Variants in NFYC observed in about 807,000 individuals in gnomAD.
The protein encoded by NFYC is CAAT box DNA-binding protein subunit C.
A neutral mutation model predicts 53.1 loss-of-function variants in NFYC; 25 were observed. That is an observed-to-expected ratio of 0.47 (90% CI 0.34 to 0.66). The LOEUF (loss-of-function observed/expected upper bound fraction) is 0.66. Ranked by LOEUF, NFYC falls within the 30% of genes least tolerant of loss-of-function variation. The probability of loss-of-function intolerance (pLI) is 0.01; values close to 1 mark genes in which losing one functional copy is unlikely to be tolerated. For missense variants in NFYC, 260 were observed against 422.7 expected (o/e 0.62, Z 3.38); for synonymous variants, 145 against 152.6 (o/e 0.95, Z 0.37).
intron 1 of NFYC, among the ~76,000 whole-genome samples, chr1:40,704,306 C>T (rs545960747): frequency 1.3e-5 from 2 of 152,220 alleles, no homozygotes; most frequent in East Asian, 1.9e-4. Flanking sequence ...CTCCTGAATT[C>T]GTGATCTGCC....
intron 1 of NFYC, among the ~76,000 whole-genome samples, chr1:40,718,131 C>CAGAT (rs1396717847): frequency 6.6e-6 from 1 of 152,086 alleles, no homozygotes; most frequent in Non-Finnish European, 1.5e-5. Flanking sequence ...ATTCATTGGC[C>CAGAT]AGATGCCCAT....
intron 1 of NFYC, among the ~76,000 whole-genome samples, chr1:40,731,193 T>C (rs1244583515): frequency 6.6e-6 from 1 of 152,144 alleles, no homozygotes; most frequent in African/African-American, 2.4e-5. Flanking sequence ...ACTTTTTTTT[T>C]TGGGACGGAG....
intron 1 of NFYC, chr1:40,730,583 A>G (rs1644725092): frequency 2.8e-5 from 28 of 985,392 alleles, no homozygotes; most frequent in Non-Finnish European, 3.4e-5. Flanking sequence ...ATCAAAATGC[A>G]AGTCACAAAA....
chr1:40,739,709 A>C (rs937829621), intron 2 of NFYC, among the ~76,000 whole-genome samples: 1 of 152,242 alleles, frequency 6.6e-6, no homozygotes, highest in East Asian at 1.9e-4. Flanking sequence ...GGTATTTACT[A>C]AGTACTTACT....
At chr1:40,764,113 G>A (rs939536174) in intron 7 of NFYC, among the ~76,000 whole-genome samples, 3 of 152,108 alleles carry the variant, frequency 2.0e-5, no homozygotes, top group African/African-American at 7.2e-5. Context: ...ATGTGTCCTT[G>A]TCTTAACACT....
rs1296321001 is a variant in NFYC, at chr1:40,770,908, C to T, written c.*80C>T. ...CAGGCAATGGGCACAGCCTTCCTCC[C>T]CAGAGGACCCGGCCGACCTCAGCGC... On this transcript the variant is annotated 3_prime_UTR_variant, in exon 10 of 10. Coordinates refer to ENST00000447388, the MANE Select transcript of NFYC (RefSeq NM_014223.5). This position sits in a 1 kb window ranked among gnomAD's most constrained non-coding sequence, Gnocchi z 5.3. 38 of 1,500,100 alleles carry T rather than the reference C, an allele frequency of 2.5e-5. 1 individual carries two copies. Among genetic ancestry groups the T allele is most frequent in the South Asian group, 7.2e-5 (6 of 83,572 alleles). 92.9% of individuals were successfully genotyped at this position (1,500,100 alleles called of 1,614,324 possible). A position where few individuals can be genotyped will look rare whatever the true frequency, so the allele number is the denominator to read the frequency against.
At chr1:40,726,265 G>A (rs1287398502) in intron 1 of NFYC, among the ~76,000 whole-genome samples, 1 of 151,944 alleles carries the variant, frequency 6.6e-6, no homozygotes, top group East Asian at 1.9e-4. Flanking sequence ...TTGCAGGCCC[G>A]CACCACCATG....
chr1:40,770,996 G>C lies in NFYC; in HGVS notation c.*168G>C, dbSNP rs1304284004. The C allele has an allele frequency of 1.5e-6, 1 of 651,400 alleles. No individual in the cohort carries two copies. The highest frequency in any genetic ancestry group is 2.6e-6 in the Non-Finnish European group (1 of 382,240). 40.4% of individuals were successfully genotyped at this position (651,400 alleles called of 1,614,324 possible). ...GCCTGGGGGCCGAGATTCTCCAGCAGAAAGATGCAATATTTTTTGTTTCCT... is the reference window on the plus strand; with the variant it reads ...GCCTGGGGGCCGAGATTCTCCAGCACAAAGATGCAATATTTTTTGTTTCCT... On this transcript the variant is annotated 3_prime_UTR_variant, in exon 10 of 10. Coordinates refer to ENST00000447388, the MANE Select transcript of NFYC (RefSeq NM_014223.5). This position sits in a 1 kb window ranked among gnomAD's most constrained non-coding sequence, Gnocchi z 5.3.
At chr1:40,735,502 T>TG (rs1362013963) in intron 1 of NFYC, 5 of 763,224 alleles carry the variant, frequency 6.6e-6, no homozygotes, top group Middle Eastern at 6.5e-4. Flanking sequence ...ACTGCACAGA[T>TG]GGTTCTAGAC....
intron 2 of NFYC, among the ~76,000 whole-genome samples, chr1:40,742,634 G>A (rs936084238): frequency 1.3e-5 from 2 of 152,164 alleles, no homozygotes; most frequent in Non-Finnish European, 1.5e-5. Context: ...CTAGACCTCT[G>A]CCATGCTATG....
chr1:40,734,344 A>C (rs1161531510), intron 1 of NFYC, among the ~76,000 whole-genome samples: 1 of 33,442 alleles, frequency 3.0e-5, no homozygotes, highest in Non-Finnish European at 9.4e-5. Context: ...CGGTTGCTTT[A>C]TTTATTTATT....
intron 1 of NFYC, among the ~76,000 whole-genome samples, chr1:40,701,356 C>G (rs1643425464): frequency 1.3e-5 from 2 of 152,196 alleles, no homozygotes; most frequent in African/African-American, 4.8e-5. Flanking sequence ...TTCAGTTGGC[C>G]TCCCAAAGTG....
intron 1 of NFYC, among the ~76,000 whole-genome samples, chr1:40,722,862 C>T (rs949278763): frequency 1.3e-5 from 2 of 152,086 alleles, no homozygotes; most frequent in Non-Finnish European, 2.9e-5. Context: ...GTGCTGCTAA[C>T]CTGCCTAGAG....
chr1:40,749,578 C>A lies in NFYC; in HGVS notation c.183C>A (p.Ile61=). The A allele has an allele frequency of 6.2e-7, 1 of 1,612,774 alleles. No homozygotes were observed. The highest frequency in any genetic ancestry group is 1.1e-5 in the South Asian group (1 of 91,028). Residue 61 remains isoleucine (I), a synonymous_variant, in exon 4 of 10, where the codon ATC becomes ATA. Transcript: ENST00000447388. ...IMKLDEDVKM[I]SAEAPVLFAK... Reference sequence around the variant, plus strand: ...AGGGCCTGTGTCTGTTACAGATGATCAGTGCAGAAGCGCCTGTACTCTTTG... The same window carrying A: ...AGGGCCTGTGTCTGTTACAGATGATAAGTGCAGAAGCGCCTGTACTCTTTG...
At chr1:40,748,092 T>A (rs1330888043) in intron 3 of NFYC, among the ~76,000 whole-genome samples, 1 of 152,076 alleles carries the variant, frequency 6.6e-6, no homozygotes, top group African/African-American at 2.4e-5. Flanking sequence ...TGCCTCTGCC[T>A]CCCAAAGTGC....
intron 2 of NFYC, among the ~76,000 whole-genome samples, chr1:40,741,426 G>C (rs930205246): frequency 6.6e-6 from 1 of 152,086 alleles, no homozygotes; most frequent in Admixed American, 6.6e-5. Context: ...GATAGGCTAG[G>C]TGTAGTAAAT....
intron 8 of NFYC, chr1:40,769,153 A>T (rs1646965354): frequency 1.0e-5 from 6 of 584,662 alleles, no homozygotes; most frequent in South Asian, 9.7e-5. Flanking sequence ...AGGATTCTCG[A>T]TGTCACTTTG....
intron 1 of NFYC, among the ~76,000 whole-genome samples, chr1:40,708,620 A>G (rs1425025124): frequency 1.3e-5 from 2 of 152,068 alleles, no homozygotes; most frequent in East Asian, 3.8e-4. Context: ...AAATTTTCCT[A>G]TTTAAATTAG....
At chr1:40,706,846 C>T (rs1643715337) in intron 1 of NFYC, among the ~76,000 whole-genome samples, 1 of 152,114 alleles carries the variant, frequency 6.6e-6, no homozygotes, top group Admixed American at 6.5e-5. Context: ...TATAATATCT[C>T]TTCTGAGATC....
Sources: allele counts gnomAD v4.1 joint callset (sites outside exome capture counted in the v4.1 genomes callset), GRCh38; gene constraint gnomAD v4.1.1; non-coding constraint Gnocchi (gnomAD v3.1); transcripts MANE v1.5; gene names NCBI Gene and HGNC (gene_info 2026-07-23, HGNC 2026-07-21).